Variants in BMPR1B observed in about 807,000 individuals in gnomAD.
BMPR1B encodes the protein bone morphogenetic protein receptor type 1B.
BMPR1B carries 12 observed loss-of-function variants against 59.1 expected under a neutral mutation model. The observed-to-expected ratio is 0.20, with a 90% CI of 0.13 to 0.33. The LOEUF is 0.33. BMPR1B is among the 10% of genes least tolerant of loss of function. The probability of loss-of-function intolerance (pLI) is 1.00; values close to 1 mark genes in which losing one functional copy is unlikely to be tolerated. For synonymous variants in BMPR1B, 237 were observed against 207.3 expected, an observed-to-expected ratio of 1.14 and a Z score of -1.23; for missense variants, 550 against 610.9, an observed-to-expected ratio of 0.90 and a Z score of 1.05.
intron 1 of BMPR1B, among the ~76,000 whole-genome samples, chr4:94,845,416 C>T (rs931487383): frequency 6.6e-6 from 1 of 151,490 alleles, no homozygotes; most frequent in Admixed American, 6.6e-5. Flanking sequence ...GATCTTGGCT[C>T]ACTGCAAGCT....
intron 1 of BMPR1B, among the ~76,000 whole-genome samples, chr4:94,776,060 T>C (rs895551334): frequency 2.7e-5 from 4 of 146,034 alleles, no homozygotes; most frequent in South Asian, 2.1e-4. Flanking sequence ...CACTGCACTC[T>C]AGCCTGGGCG....
At chr4:95,135,737 T>G (rs899922590) in intron 10 of BMPR1B, among the ~76,000 whole-genome samples, 10 of 152,152 alleles carry the variant, frequency 6.6e-5, no homozygotes, top group Non-Finnish European at 1.0e-4. Flanking sequence ...TGCTGAAGTT[T>G]CTTATCAGCT....
intron 2 of BMPR1B, among the ~76,000 whole-genome samples, chr4:94,978,908 C>T (rs550224256): frequency 1.4e-4 from 22 of 151,728 alleles, no homozygotes; most frequent in Non-Finnish European, 2.9e-4. Flanking sequence ...AGCAAAGGCA[C>T]ACCTTACATG....
chr4:94,894,828 T>C (rs1017828230), intron 2 of BMPR1B, among the ~76,000 whole-genome samples: 1 of 148,742 alleles, frequency 6.7e-6, no homozygotes, highest in Non-Finnish European at 1.5e-5. Flanking sequence ...TGCTAGTTTG[T>C]TTTTTTTTTC....
rs35591365 is a variant in BMPR1B, at chr4:95,039,421, C to CTTT, written c.-18+43302_-18+43304dup. 4.9e-3 allele frequency among the ~76,000 whole-genome samples: 689 copies of CTTT among 140,940 alleles called. 6 individuals are homozygous for CTTT. Among genetic ancestry groups the CTTT allele is most frequent in the African/African-American group, 0.016 (597 of 38,222 alleles). The allele number at this position is 140,940 out of a possible 152,430, so 92.5% of individuals were successfully genotyped here. A position where few individuals can be genotyped will look rare whatever the true frequency, so the allele number is the denominator to read the frequency against. ...GTACATGGGGTTCATTTTACTTCTTCTTTTTTTTTTTTTTTTTACACAATC... is the reference window on the plus strand; with the variant it reads ...GTACATGGGGTTCATTTTACTTCTTCTTTTTTTTTTTTTTTTTTTTACACAATC... On this transcript the variant is annotated intron_variant, in intron 3 of 12. Transcript: ENST00000515059.
chr4:94,836,850 T>A (rs1218210119), intron 1 of BMPR1B, among the ~76,000 whole-genome samples: 2 of 150,230 alleles, frequency 1.3e-5, no homozygotes, highest in South Asian at 4.3e-4. Flanking sequence ...ATGTCCTGAA[T>A]GGTATTGCCT....
rs749570038 is a variant in BMPR1B at position 95,131,315 on chromosome 4, C to T, written c.879C>T (p.Ser293=). The change falls in exon 10 of 13, where the codon TCC becomes TCT. Residue 293 remains serine (S), a synonymous_variant. Coordinates refer to ENST00000515059, the MANE Select transcript of BMPR1B (RefSeq NM_001203.3). ...ENGSLYDYLK[S]TTLDAKSMLK... ...GTTCCCTTTATGATTATCTGAAGTC[C>T]ACCACCCTAGACGCTAAATCAATGC... 6.2e-7 allele frequency: 1 copy of T among 1,613,670 alleles called. No individual in the cohort carries two copies. The highest frequency in any genetic ancestry group is 8.5e-7 in the Non-Finnish European group (1 of 1,179,960).
chr4:95,039,404 G>A (rs2149169513), intron 3 of BMPR1B, among the ~76,000 whole-genome samples: 1 of 147,418 alleles, frequency 6.8e-6, no homozygotes, highest in East Asian at 2.0e-4. Context: ...TTGTACATGG[G>A]GTTCATTTTA....
In BMPR1B at chr4:95,129,997, TG is replaced by T; in HGVS notation, c.723del (p.Trp241CysfsTer12). ...GTTCTTCACCACAGAGGAAGCCAGCTGGTTCAGAGAGACAGAAATATATCAG... is the reference window on the plus strand; with the variant it reads ...GTTCTTCACCACAGAGGAAGCCAGCTGTTCAGAGAGACAGAAATATATCAG... ...KVFFTTEEAS[W>X]FRETEIYQTV... On this transcript the variant is annotated frameshift_variant, in exon 9 of 13. Coordinates refer to ENST00000515059, the MANE Select transcript of BMPR1B (RefSeq NM_001203.3). LOFTEE classifies it high-confidence loss of function. 1 of 1,614,020 alleles carries T rather than the reference TG, an allele frequency of 6.2e-7. No individual in the cohort carries two copies. Among genetic ancestry groups the T allele is most frequent in the Non-Finnish European group, 8.5e-7 (1 of 1,179,946 alleles).
intron 2 of BMPR1B, among the ~76,000 whole-genome samples, chr4:94,976,117 T>C (rs1200895870): frequency 1.3e-5 from 2 of 152,322 alleles, no homozygotes; most frequent in East Asian, 1.9e-4. Context: ...CAGACACTTC[T>C]CACTTTTCAT....
chr4:94,880,752 C>G (rs1726929218), intron 2 of BMPR1B, among the ~76,000 whole-genome samples: 1 of 150,866 alleles, frequency 6.6e-6, no homozygotes, highest in Non-Finnish European at 1.5e-5. Context: ...GATTCTATGC[C>G]TCAGCCTCCC....
At chr4:95,051,007 T>C (rs983252937) in intron 3 of BMPR1B, among the ~76,000 whole-genome samples, 1 of 152,184 alleles carries the variant, frequency 6.6e-6, no homozygotes, top group Non-Finnish European at 1.5e-5. Flanking sequence ...AATAGTCAGT[T>C]AGGTTAACAG....
chr4:94,908,756 G>A (rs10213566), intron 2 of BMPR1B, among the ~76,000 whole-genome samples: 3 of 151,884 alleles, frequency 2.0e-5, no homozygotes, highest in Non-Finnish European at 2.9e-5. Flanking sequence ...AGCATTCACC[G>A]AAGTCAGATA....
At chr4:94,768,768 G>T (rs1560806982) in intron 1 of BMPR1B, among the ~76,000 whole-genome samples, 1 of 151,966 alleles carries the variant, frequency 6.6e-6, no homozygotes, top group African/African-American at 2.4e-5. Flanking sequence ...TTTCTATTTT[G>T]TTATGAAATC....
At chr4:95,115,372 G>T (rs532785893) in intron 5 of BMPR1B, among the ~76,000 whole-genome samples, 3 of 151,956 alleles carry the variant, frequency 2.0e-5, no homozygotes, top group African/African-American at 7.3e-5. Flanking sequence ...GTTTAGTGTC[G>T]CATTAGAGCA....
At chr4:94,956,614 A>G (rs1327475886) in intron 2 of BMPR1B, among the ~76,000 whole-genome samples, 1 of 152,134 alleles carries the variant, frequency 6.6e-6, no homozygotes, top group Non-Finnish European at 1.5e-5. Context: ...TCTGCATTTA[A>G]TTTCTAGATA....
At chr4:94,811,811 C>T (rs1306691976) in intron 1 of BMPR1B, among the ~76,000 whole-genome samples, 4 of 152,044 alleles carry the variant, frequency 2.6e-5, no homozygotes, top group Admixed American at 6.6e-5. Flanking sequence ...TTTATTGCTC[C>T]CTGTGAGTGA....
At chr4:95,003,861 G>T (rs1722634814) in intron 3 of BMPR1B, among the ~76,000 whole-genome samples, 1 of 137,634 alleles carries the variant, frequency 7.3e-6, no homozygotes, top group African/African-American at 2.8e-5. Flanking sequence ...AGGCTGGAGT[G>T]CAGTGGCACA....
intron 2 of BMPR1B, among the ~76,000 whole-genome samples, chr4:94,902,648 A>G (rs1009785491): frequency 1.2e-4 from 18 of 152,018 alleles, no homozygotes; most frequent in African/African-American, 3.4e-4. Flanking sequence ...AGTCTGTTCT[A>G]TACAAAGTAG....
Sources: allele counts gnomAD v4.1 joint callset (sites outside exome capture counted in the v4.1 genomes callset), GRCh38; gene constraint gnomAD v4.1.1; transcripts MANE v1.5; gene names NCBI Gene and HGNC (gene_info 2026-07-23, HGNC 2026-07-21).